ZDHHC1: variants seen among roughly 807,000 people sequenced by gnomAD.
The protein encoded by ZDHHC1 is palmitoyltransferase ZDHHC1.
A neutral mutation model predicts 46.9 loss-of-function variants in ZDHHC1; 45 were observed. The ratio of observed to expected loss-of-function variants is 0.96; its 90% CI spans 0.76 to 1.23. The LOEUF (loss-of-function observed/expected upper bound fraction) is 1.23. Among genes scored for constraint, ZDHHC1 ranks in the 50% most tolerant of loss-of-function variants. The probability of loss-of-function intolerance (pLI) is 0.00; values close to 1 mark genes in which losing one functional copy is unlikely to be tolerated. For missense variants in ZDHHC1, 649 were observed against 670.8 expected (o/e 0.97, Z 0.36); for synonymous variants, 291 against 286.0 (o/e 1.02, Z -0.18).
chr16:67,407,969 C>T (rs2040692296), intron 1 of ZDHHC1, among the ~76,000 whole-genome samples, 156 bp from the exon 2 acceptor site: 1 of 152,150 alleles, frequency 6.6e-6, no homozygotes, highest in Admixed American at 6.5e-5. Context: ...CTCCCTCTGC[C>T]GGCTGGCTAC....
rs1202743555 is a variant in ZDHHC1 at position 67,406,063 on chromosome 16, C to G, written c.252+137G>C. 1 of 1,344,356 alleles carries G rather than the reference C, an allele frequency of 7.4e-7. No homozygotes were observed. 83.3% of individuals were successfully genotyped at this position (1,344,356 alleles called of 1,614,324 possible). Reference sequence around the variant, plus strand: ...AGACAGGCTGGGAAGCAGCAAGTCCCCAGGACTGGGCCCACCCTGCTCCAC... The same window carrying G: ...AGACAGGCTGGGAAGCAGCAAGTCCGCAGGACTGGGCCCACCCTGCTCCAC... On this transcript the variant is annotated intron_variant, in intron 3 of 11. Transcript: ENST00000565726. This position sits in a 1 kb window ranked among gnomAD's most constrained non-coding sequence, Gnocchi z 4.1.
At chr16:67,409,758 G>A (rs770005674) in intron 1 of ZDHHC1, among the ~76,000 whole-genome samples, 8 of 152,136 alleles carry the variant, frequency 5.3e-5, no homozygotes, top group Non-Finnish European at 8.8e-5. Context: ...CTCCAACGAC[G>A]TAGCCAGCTG....
Position 67,394,686 on chromosome 16 carries a change from C to A in ZDHHC1, c.1373G>T (p.Arg458Leu). The A allele has an allele frequency of 7.9e-7, 1 of 1,259,340 alleles. No individual in the cohort carries two copies. 78.0% of individuals were successfully genotyped at this position (1,259,340 alleles called of 1,614,324 possible). Reference protein sequence around the residue: ...GRQPTLARQARAPAVFVSPSS... With the variant: ...GRQPTLARQALAPAVFVSPSS... ...CGGGCTCACGAAAACGGCGGGCGCACGCGCCTGCCGCGCCAGCGTGGGCTG... is the reference window on the plus strand; with the variant it reads ...CGGGCTCACGAAAACGGCGGGCGCAAGCGCCTGCCGCGCCAGCGTGGGCTG... Residue 458 changes from arginine to leucine, a missense_variant, in exon 12 of 12, where the codon CGT (arginine) becomes CTT (leucine). Transcript: ENST00000565726.
intron 4 of ZDHHC1, among the ~76,000 whole-genome samples, chr16:67,400,380 T>C (rs913678280): frequency 3.3e-5 from 5 of 152,130 alleles, no homozygotes; most frequent in Non-Finnish European, 5.9e-5. Flanking sequence ...GCGCAGCACG[T>C]AGTGACTCCT....
chr16:67,402,873 C>A (rs980908076), intron 3 of ZDHHC1, among the ~76,000 whole-genome samples: 1 of 152,234 alleles, frequency 6.6e-6, no homozygotes, highest in African/African-American at 2.4e-5. Flanking sequence ...GGTGATCTGC[C>A]TGCCTTGGCT....
intron 1 of ZDHHC1, among the ~76,000 whole-genome samples, chr16:67,415,843 G>A (rs2142271304): frequency 6.6e-6 from 1 of 152,314 alleles, no homozygotes; most frequent in South Asian, 2.1e-4. Flanking sequence ...ATACCAGAGA[G>A]CCTAACCCGA....
At chr16:67,404,824 TAA>T in intron 3 of ZDHHC1, 1 of 424,772 alleles carries the variant, frequency 2.4e-6, no homozygotes, top group Non-Finnish European at 4.8e-6. Context: ...AAGGGCTCAA[TAA>T]AGTCTACTGC....
chr16:67,405,639 A>G (rs560091761), intron 3 of ZDHHC1, among the ~76,000 whole-genome samples: 2 of 152,320 alleles, frequency 1.3e-5, no homozygotes, highest in South Asian at 2.1e-4. Context: ...TCCCAGGGGC[A>G]TTCGAGGTAT....
rs765414079 is a variant in ZDHHC1, at chr16:67,395,154, C to T, written c.1104+33G>A. 10 of 1,612,984 alleles carry T rather than the reference C, an allele frequency of 6.2e-6. No homozygotes were observed. The African/African-American group carries it at 6.7e-5, about 11-fold the overall frequency. ...AGAGGCTTCTTTCTATCCCACTCCACCTGGACCGGAGGCCCAGCACAGTCC... is the reference window on the plus strand; with the variant it reads ...AGAGGCTTCTTTCTATCCCACTCCATCTGGACCGGAGGCCCAGCACAGTCC... On this transcript the variant is annotated intron_variant, in intron 10 of 11. Transcript: ENST00000565726.
intron 4 of ZDHHC1, among the ~76,000 whole-genome samples, chr16:67,400,185 G>A (rs1048220520): frequency 7.9e-5 from 12 of 152,338 alleles, no homozygotes; most frequent in Non-Finnish European, 1.5e-4. Context: ...CCAAGTCCTT[G>A]GCGCCTTAAG....
chr16:67,409,590 T>C (rs1036691283), intron 1 of ZDHHC1, among the ~76,000 whole-genome samples: 2 of 152,204 alleles, frequency 1.3e-5, no homozygotes, highest in Non-Finnish European at 2.9e-5. Flanking sequence ...CAAAAGATTT[T>C]GATTAAAAGG....
intron 8 of ZDHHC1, among the ~76,000 whole-genome samples, chr16:67,397,768 A>C (rs1382819033): frequency 1.3e-5 from 2 of 152,196 alleles, no homozygotes; most frequent in Non-Finnish European, 2.9e-5. Flanking sequence ...GCTTGTGGTT[A>C]ACCTTCTAGG....
chr16:67,395,764 C>T (rs947006601), intron 8 of ZDHHC1, 198 bp from the exon 9 acceptor site: 1 of 606,286 alleles, frequency 1.6e-6, no homozygotes, highest in Non-Finnish European at 2.9e-6. Context: ...TGCCCCATCC[C>T]CAGGTCCTTA....
chr16:67,412,893 T>C (rs907437602), intron 1 of ZDHHC1, among the ~76,000 whole-genome samples: 6 of 151,958 alleles, frequency 3.9e-5, no homozygotes, highest in African/African-American at 1.2e-4. Flanking sequence ...CTCTGCCTCC[T>C]GGGTTCAAGT....
chr16:67,396,003 C>G (rs1179932784), intron 8 of ZDHHC1: 2 of 166,134 alleles, frequency 1.2e-5, no homozygotes, highest in African/African-American at 4.8e-5. Context: ...CTGGGCACAC[C>G]CCTCGCCCTC....
At chr16:67,407,652 A>G in intron 2 of ZDHHC1, 115 bp downstream of exon 2, 1 of 739,078 alleles carries the variant, frequency 1.4e-6, no homozygotes, top group Non-Finnish European at 2.5e-6. Context: ...GACGCTTTGC[A>G]ATCCTCATGT....
At chr16:67,397,623 T>C (rs2040457662) in intron 8 of ZDHHC1, among the ~76,000 whole-genome samples, 1 of 152,070 alleles carries the variant, frequency 6.6e-6, no homozygotes, top group Middle Eastern at 3.2e-3. Flanking sequence ...TAGGGGCTCC[T>C]TTGACGACTG....
intron 1 of ZDHHC1, among the ~76,000 whole-genome samples, chr16:67,414,870 G>A (rs750418110): frequency 3.3e-5 from 5 of 152,228 alleles, no homozygotes; most frequent in Non-Finnish European, 7.3e-5. Flanking sequence ...CTTTTCAAAC[G>A]TGAAACTCAT....
chr16:67,415,163 T>C (rs945930723), intron 1 of ZDHHC1, among the ~76,000 whole-genome samples: 9 of 151,034 alleles, frequency 6.0e-5, no homozygotes, highest in African/African-American at 2.2e-4. Flanking sequence ...AAACAAAAAA[T>C]AAAAAACTCT....
Sources: gnomAD v4.1 joint callset for allele counts (sites outside exome capture counted in the v4.1 genomes callset) on GRCh38, gnomAD v4.1.1 for gene constraint, Gnocchi (gnomAD v3.1) non-coding constraint, MANE v1.5 for transcripts, NCBI Gene and HGNC (gene_info 2026-07-23, HGNC 2026-07-21) for gene names.